Variants in SPAG16 observed in about 807,000 individuals in gnomAD.
SPAG16 encodes the protein sperm-associated antigen 16 protein.
In SPAG16, 86 loss-of-function variants were observed where a neutral mutation model predicts 80.4. The observed-to-expected ratio is 1.07, with a 90% confidence interval of 0.90 to 1.28. The LOEUF (loss-of-function observed/expected upper bound fraction) is 1.28, where lower values mean the gene tolerates loss of function less well. Ranked by LOEUF, SPAG16 falls within the 50% of genes most tolerant of loss-of-function variation. SPAG16 has a pLI of 0.00. For missense variants in SPAG16, 870 were observed against 765.3 expected, an observed-to-expected ratio of 1.14 and a Z score of -1.61; for synonymous variants, 294 against 265.9, an observed-to-expected ratio of 1.11 and a Z score of -1.03.
At chr2:213,886,987 A>T (rs2076580885) in intron 11 of SPAG16, among the ~76,000 whole-genome samples, 1 of 152,116 alleles carries the variant, frequency 6.6e-6, no homozygotes, top group South Asian at 2.1e-4. Flanking sequence ...AGTTGGAAGA[A>T]ATGTTATAAA....
intron 10 of SPAG16, among the ~76,000 whole-genome samples, chr2:213,649,166 T>A (rs1440838928): frequency 6.6e-6 from 1 of 152,164 alleles, no homozygotes; most frequent in East Asian, 1.9e-4. Flanking sequence ...TAAGTTAAAA[T>A]AATTTAAAGA....
At chr2:213,491,659 T>A (rs556078936) in intron 10 of SPAG16, among the ~76,000 whole-genome samples, 1 of 152,304 alleles carries the variant, frequency 6.6e-6, no homozygotes, top group African/African-American at 2.4e-5. Context: ...TAATGGAACG[T>A]GTTAGTCAAT....
At chr2:214,181,428 G>T (rs906351104) in intron 15 of SPAG16, among the ~76,000 whole-genome samples, 13 of 151,618 alleles carry the variant, frequency 8.6e-5, no homozygotes, top group African/African-American at 3.1e-4. Flanking sequence ...GGCATCCCAG[G>T]GGAGCTTTAG....
chr2:213,755,417 A>T (rs2068278306), intron 10 of SPAG16, among the ~76,000 whole-genome samples: 1 of 152,216 alleles, frequency 6.6e-6, no homozygotes, highest in Non-Finnish European at 1.5e-5. Context: ...AAAAAAATAA[A>T]ATCCTGGTAG....
At chr2:214,054,363 T>A (rs1021522225) in intron 13 of SPAG16, among the ~76,000 whole-genome samples, 2 of 152,188 alleles carry the variant, frequency 1.3e-5, no homozygotes, top group Non-Finnish European at 2.9e-5. Flanking sequence ...TGGCTAAATA[T>A]AAAGTAACAA....
At chr2:213,702,330 T>C (rs1374469727) in intron 10 of SPAG16, among the ~76,000 whole-genome samples, 2 of 152,234 alleles carry the variant, frequency 1.3e-5, no homozygotes, top group African/African-American at 2.4e-5. Context: ...GGGTCTCTTT[T>C]CATGCTGTGG....
At chr2:213,991,887 A>ATTTATTTT (rs2046301205) in intron 12 of SPAG16, among the ~76,000 whole-genome samples, 1 of 144,302 alleles carries the variant, frequency 6.9e-6, no homozygotes, top group African/African-American at 2.6e-5. Context: ...TTATTTATTT[A>ATTTATTTT]TTTATTCTTG....
intron 15 of SPAG16, among the ~76,000 whole-genome samples, chr2:214,228,275 C>A (rs972653694): frequency 2.0e-5 from 3 of 151,864 alleles, no homozygotes; most frequent in Admixed American, 6.6e-5. Flanking sequence ...AATCATAATT[C>A]AATATGCATA....
intron 10 of SPAG16, among the ~76,000 whole-genome samples, chr2:213,693,353 G>C (rs1278102486): frequency 6.6e-6 from 1 of 152,170 alleles, no homozygotes; most frequent in Non-Finnish European, 1.5e-5. Context: ...CGAACATTTA[G>C]CCTGACTTTG....
chr2:214,104,688 G>A (rs16851489), intron 13 of SPAG16, among the ~76,000 whole-genome samples: 2,648 of 152,288 alleles, frequency 0.017, 40 homozygotes, highest in South Asian at 0.032. Context: ...GATCAAAATA[G>A]ACAGTTGGGA....
At chr2:213,980,845 G>A (rs2045709665) in intron 12 of SPAG16, among the ~76,000 whole-genome samples, 1 of 147,836 alleles carries the variant, frequency 6.8e-6, no homozygotes, top group Non-Finnish European at 1.5e-5. Context: ...GGAGGCGGAG[G>A]TTGCAGTGAG....
chr2:213,769,769 C>A (rs76168041), intron 10 of SPAG16, among the ~76,000 whole-genome samples: 1 of 152,120 alleles, frequency 6.6e-6, no homozygotes, highest in Non-Finnish European at 1.5e-5. Context: ...ACAAAATGCA[C>A]AGACGTGTAC....
chr2:213,662,869 T>C (rs1424561493), intron 10 of SPAG16, among the ~76,000 whole-genome samples: 2 of 152,054 alleles, frequency 1.3e-5, no homozygotes, highest in Non-Finnish European at 2.9e-5. Flanking sequence ...ACAAATACTT[T>C]GCATTTGACA....
At chr2:213,368,223 A>G (rs1380305132) in intron 8 of SPAG16, among the ~76,000 whole-genome samples, 2 of 152,138 alleles carry the variant, frequency 1.3e-5, no homozygotes, top group Non-Finnish European at 2.9e-5. Flanking sequence ...AGGTAGTGTG[A>G]TGCCTCCAGC....
chr2:213,705,840 T>C (rs1182478780), intron 10 of SPAG16, among the ~76,000 whole-genome samples: 1 of 152,058 alleles, frequency 6.6e-6, no homozygotes, highest in Admixed American at 6.6e-5. Flanking sequence ...TTAAGCAAGC[T>C]CCCAATGAAA....
At chr2:214,064,004 G>A (rs1003548749) in intron 13 of SPAG16, among the ~76,000 whole-genome samples, 7 of 151,994 alleles carry the variant, frequency 4.6e-5, no homozygotes, top group African/African-American at 1.4e-4. Flanking sequence ...TAATGCAGTC[G>A]GATATTATGC....
chr2:214,399,191 A>T (rs1490328904), intron 15 of SPAG16, among the ~76,000 whole-genome samples: 1 of 152,142 alleles, frequency 6.6e-6, no homozygotes, highest in Non-Finnish European at 1.5e-5. Context: ...TACATACTAC[A>T]TTTAAACTAA....
intron 10 of SPAG16, among the ~76,000 whole-genome samples, chr2:213,730,506 A>C (rs537741137): frequency 2.6e-5 from 4 of 152,170 alleles, no homozygotes; most frequent in African/African-American, 9.7e-5. Flanking sequence ...AATACTTTCA[A>C]TAACTCACTT....
At chr2:214,016,290 G>A (rs954789984) in intron 13 of SPAG16, among the ~76,000 whole-genome samples, 1 of 152,160 alleles carries the variant, frequency 6.6e-6, no homozygotes, top group African/African-American at 2.4e-5. Flanking sequence ...AGGAAGCAAA[G>A]TCACGTCATA....
Sources: gnomAD v4.1 joint callset for allele counts (sites outside exome capture counted in the v4.1 genomes callset) on GRCh38, gnomAD v4.1.1 for gene constraint, MANE v1.5 for transcripts, NCBI Gene and HGNC (gene_info 2026-07-23, HGNC 2026-07-21) for gene names.